The following ATG5 variants were observed in gnomAD, a reference collection of about 807,000 sequenced individuals.
ATG5 encodes the protein autophagy related 5.
Under a neutral mutation model 36.5 loss-of-function variants are expected in ATG5, and 14 were observed. That is an observed-to-expected ratio of 0.38 (90% CI 0.25 to 0.60). The LOEUF (loss-of-function observed/expected upper bound fraction) is 0.60, where lower values mean the gene tolerates loss of function less well. ATG5 is among the 20% of genes least tolerant of loss of function. The pLI, the probability that ATG5 is intolerant of heterozygous loss-of-function variation, is 0.60. For missense variants in ATG5, 195 were observed against 326.7 expected, an observed-to-expected ratio of 0.60 and a Z score of 3.11; for synonymous variants, 95 against 101.5, an observed-to-expected ratio of 0.94 and a Z score of 0.38.
intron 2 of ATG5, among the ~76,000 whole-genome samples, chr6:106,310,552 T>C (rs1336035189): frequency 2.6e-5 from 4 of 152,172 alleles, no homozygotes; most frequent in Non-Finnish European, 5.9e-5. Context: ...TTCTTTTTTT[T>C]TCAATGTGGT....
At chr6:106,233,391 C>T (rs1466532327) in intron 6 of ATG5, among the ~76,000 whole-genome samples, 1 of 152,192 alleles carries the variant, frequency 6.6e-6, no homozygotes, top group African/African-American at 2.4e-5. Flanking sequence ...GTAAGATGGA[C>T]ACCTGAAGCA....
At chr6:106,203,011 A>G (rs1776496048) in intron 6 of ATG5, among the ~76,000 whole-genome samples, 1 of 152,166 alleles carries the variant, frequency 6.6e-6, no homozygotes, top group Admixed American at 6.5e-5. Flanking sequence ...AGAGAGAGAG[A>G]AAGAGAGAGA....
At chr6:106,261,777 C>A (rs1477086336) in intron 5 of ATG5, among the ~76,000 whole-genome samples, 1 of 152,118 alleles carries the variant, frequency 6.6e-6, no homozygotes, top group Non-Finnish European at 1.5e-5. Context: ...ATTGACAGAG[C>A]CTATTGTTAG....
At chr6:106,294,621 G>A (rs765608348) in intron 3 of ATG5, among the ~76,000 whole-genome samples, 6 of 150,710 alleles carry the variant, frequency 4.0e-5, no homozygotes, top group Admixed American at 1.3e-4. Context: ...TCAGGAGTTC[G>A]AGACCAGTTC....
At chr6:106,237,329 T>A (rs1287903300) in intron 6 of ATG5, among the ~76,000 whole-genome samples, 1 of 152,168 alleles carries the variant, frequency 6.6e-6, no homozygotes, top group African/African-American at 2.4e-5. Flanking sequence ...TGAACCAAAC[T>A]ATGCCCATGA....
At chr6:106,221,914 C>A (rs1465321768) in intron 6 of ATG5, among the ~76,000 whole-genome samples, 4 of 151,672 alleles carry the variant, frequency 2.6e-5, no homozygotes, top group African/African-American at 9.7e-5. Flanking sequence ...TTTTTTGAGA[C>A]AGAGTCTTGC....
In ATG5 at chr6:106,262,264, C is replaced by A. The variant is rs543438169; in HGVS notation, c.479-14020G>T. Among the ~76,000 whole-genome samples, 250 of 152,256 alleles carry A rather than the reference C, an allele frequency of 1.6e-3. 1 individual carries two copies. Among genetic ancestry groups the A allele is most frequent in the African/African-American group, 5.8e-3 (243 of 41,544 alleles). On this transcript the variant is annotated intron_variant, in intron 5 of 7. Transcript: ENST00000369076. ...TATTTTTAGTAGAGATGGGGTTTCA[C>A]CACGTTGGTCAGGCTGGTCTTGAAC...
At chr6:106,201,762 T>C (rs980979222) in intron 7 of ATG5, 1 of 319,348 alleles carries the variant, frequency 3.1e-6, no homozygotes, top group East Asian at 5.2e-5. Context: ...AAAAACTGTA[T>C]TTTATTTCGC....
chr6:106,313,399 G>A lies in ATG5; in HGVS notation c.108+2702C>T, dbSNP rs190363902. On this transcript the variant is annotated intron_variant, in intron 2 of 7. Transcript: ENST00000369076. ...GACACCTGACTAAGGATACATAAAC[G>A]GATCGCTGCCTAATGTTAAGGGTCC... Among the ~76,000 whole-genome samples, 8 of 152,292 alleles carry A rather than the reference G, an allele frequency of 5.3e-5. No individual in the cohort carries two copies. The East Asian group carries it at 9.6e-4, about 18-fold the overall frequency.
In ATG5 at chr6:106,255,316, G is replaced by A. The variant is rs78860985; in HGVS notation, c.479-7072C>T. The stretch of plus-strand genomic sequence containing the variant: ...AAGCATGATGGGGGAAGGGGTTCTT[G>A]TTAATCTGAAAAGATGAGAGGTTCA... On this transcript the variant is annotated intron_variant, in intron 5 of 7. Coordinates refer to ENST00000369076, the MANE Select transcript of ATG5 (RefSeq NM_004849.4). Among the ~76,000 whole-genome samples, 172 of 152,306 alleles carry A rather than the reference G, an allele frequency of 1.1e-3. 3 individuals carry two copies. In the East Asian group the frequency reaches 0.03, roughly 27 times the overall value.
At chr6:106,275,490 T>C (rs963891874) in intron 5 of ATG5, among the ~76,000 whole-genome samples, 5 of 152,250 alleles carry the variant, frequency 3.3e-5, no homozygotes, top group Non-Finnish European at 5.9e-5. Context: ...CCAAACATAA[T>C]AGCTACAAAA....
At chr6:106,317,760 TA>T (rs1342726355) in intron 1 of ATG5, among the ~76,000 whole-genome samples, 1 of 152,212 alleles carries the variant, frequency 6.6e-6, no homozygotes, top group Non-Finnish European at 1.5e-5. Flanking sequence ...TTTCCAAGTT[TA>T]CAAATGACAC....
At chr6:106,197,974 T>C (rs1016264679) in intron 7 of ATG5, among the ~76,000 whole-genome samples, 1 of 152,196 alleles carries the variant, frequency 6.6e-6, no homozygotes, top group Non-Finnish European at 1.5e-5. Flanking sequence ...AAGAGGTTTA[T>C]GGGGTTTATC....
At chr6:106,296,608 AG>A (rs1456435159) in intron 3 of ATG5, among the ~76,000 whole-genome samples, 1 of 152,206 alleles carries the variant, frequency 6.6e-6, no homozygotes, top group Non-Finnish European at 1.5e-5. Flanking sequence ...ACCTGAGGTT[AG>A]GAATTCAAGA....
At chr6:106,197,462 A>C (rs1776241448) in intron 7 of ATG5, among the ~76,000 whole-genome samples, 1 of 132,444 alleles carries the variant, frequency 7.6e-6, no homozygotes, top group Non-Finnish European at 1.5e-5. Context: ...TCCCCGCCAA[A>C]CCTCGTGTTG....
chr6:106,316,324 G>C (rs1190520074), intron 1 of ATG5, 58 bp from the exon 2 acceptor site: 1 of 497,016 alleles, frequency 2.0e-6, no homozygotes, highest in African/African-American at 2.1e-5. Flanking sequence ...GAACCTGCTA[G>C]AAAACAAAAG....
intron 5 of ATG5, among the ~76,000 whole-genome samples, chr6:106,257,752 T>G (rs779008806): frequency 3.9e-5 from 6 of 152,240 alleles, no homozygotes; most frequent in Non-Finnish European, 8.8e-5. Context: ...CAAATCTACC[T>G]AATCTGTACA....
chr6:106,255,231 C>T (rs1171632310), intron 5 of ATG5, among the ~76,000 whole-genome samples: 1 of 152,194 alleles, frequency 6.6e-6, no homozygotes, highest in Non-Finnish European at 1.5e-5. Flanking sequence ...ACCTAGATAA[C>T]CATTCCTTTC....
chr6:106,248,062 T>A (rs1398383099), intron 6 of ATG5, 88 bp downstream of exon 6: 2 of 1,004,640 alleles, frequency 2.0e-6, no homozygotes, highest in Non-Finnish European at 3.0e-6. Context: ...TTAGTTACTA[T>A]GCAGACAAAG....
Sources: gnomAD v4.1 joint callset for allele counts (sites outside exome capture counted in the v4.1 genomes callset) on GRCh38, gnomAD v4.1.1 for gene constraint, MANE v1.5 for transcripts, NCBI Gene and HGNC (gene_info 2026-07-23, HGNC 2026-07-21) for gene names.